PDE10A: variants seen among roughly 807,000 people sequenced by gnomAD.
PDE10A encodes the protein cAMP and cAMP-inhibited cGMP 3',5'-cyclic phosphodiesterase 10A.
A neutral mutation model predicts 97.7 loss-of-function variants in PDE10A; 39 were observed. That is an observed-to-expected ratio of 0.40 (90% CI 0.31 to 0.52). PDE10A has a LOEUF of 0.52. PDE10A is among the 20% of genes least tolerant of loss of function. PDE10A has a pLI of 0.56. For missense variants in PDE10A, 731 were observed against 1,047.8 expected, an observed-to-expected ratio of 0.70 and a Z score of 4.17; for synonymous variants, 371 against 376.8, an observed-to-expected ratio of 0.98 and a Z score of 0.18.
chr6:165,639,212 A>G (rs1789015534), intron 1 of PDE10A, among the ~76,000 whole-genome samples: 1 of 152,200 alleles, frequency 6.6e-6, no homozygotes, highest in Non-Finnish European at 1.5e-5. Context: ...CTAGGAGTCC[A>G]CAACCAATGT....
intron 1 of PDE10A, among the ~76,000 whole-genome samples, chr6:165,590,668 G>A (rs1786200138): frequency 6.6e-6 from 1 of 152,138 alleles, no homozygotes; most frequent in Non-Finnish European, 1.5e-5. Flanking sequence ...GAGGCGGGTG[G>A]ATCACGAGAT....
At chr6:165,433,812 G>A (rs1178909763) in intron 6 of PDE10A, among the ~76,000 whole-genome samples, 10 of 151,870 alleles carry the variant, frequency 6.6e-5, no homozygotes, top group Non-Finnish European at 1.3e-4. Flanking sequence ...TCAGGAGATC[G>A]AGACCATCCT....
intron 1 of PDE10A, among the ~76,000 whole-genome samples, chr6:165,796,091 C>CTTTTTT (rs1168771487): frequency 0.017 from 1,868 of 108,744 alleles, 6 homozygotes; most frequent in Non-Finnish European, 0.021. Flanking sequence ...TTTTTCTTTT[C>CTTTTTT]TTTTTTTTTT....
At chr6:165,465,179 C>T (rs7761949) in intron 3 of PDE10A, among the ~76,000 whole-genome samples, 4,234 of 152,180 alleles carry the variant, frequency 0.028, 200 homozygotes, top group African/African-American at 0.094. Flanking sequence ...TGATCTATAT[C>T]ACACAAATGG....
intron 1 of PDE10A, among the ~76,000 whole-genome samples, chr6:165,591,159 T>C (rs1786241914): frequency 6.6e-6 from 1 of 152,176 alleles, no homozygotes; most frequent in African/African-American, 2.4e-5. Flanking sequence ...AAAGATCATG[T>C]GTAATTCATT....
At chr6:165,357,587 C>A (rs569864682) in intron 18 of PDE10A, among the ~76,000 whole-genome samples, 1 of 152,078 alleles carries the variant, frequency 6.6e-6, no homozygotes, top group African/African-American at 2.4e-5. Flanking sequence ...CTTTTTGGTT[C>A]AAGTATAGTA....
At chr6:165,516,125 G>A (rs566310086) in intron 2 of PDE10A, among the ~76,000 whole-genome samples, 2 of 152,220 alleles carry the variant, frequency 1.3e-5, no homozygotes, top group Non-Finnish European at 2.9e-5. Context: ...TCCTATCTAA[G>A]GCCAGCCCCT....
chr6:165,708,764 G>T (rs1438088821), intron 1 of PDE10A, among the ~76,000 whole-genome samples: 2 of 51,518 alleles, frequency 3.9e-5, no homozygotes, highest in Non-Finnish European at 7.6e-5. Flanking sequence ...ATGCTGCCAC[G>T]CTCACCCCCC....
chr6:165,564,749 C>T (rs1784692489), intron 1 of PDE10A, among the ~76,000 whole-genome samples: 1 of 152,282 alleles, frequency 6.6e-6, no homozygotes, highest in South Asian at 2.1e-4. Flanking sequence ...CCGAATACAT[C>T]TTACTTTAAA....
chr6:165,478,002 TAAG>T (rs1562504186), intron 3 of PDE10A, among the ~76,000 whole-genome samples: 2 of 152,184 alleles, frequency 1.3e-5, no homozygotes, highest in African/African-American at 4.8e-5. Context: ...ACAAGCTCTC[TAAG>T]AAGTGTCACC....
At chr6:165,836,503 C>T (rs970517910) in intron 1 of PDE10A, among the ~76,000 whole-genome samples, 3 of 152,228 alleles carry the variant, frequency 2.0e-5, no homozygotes, top group Admixed American at 6.5e-5. Flanking sequence ...GCTCTTTCTG[C>T]TTCTGATTAA....
At chr6:165,862,849 T>C (rs369396305) in intron 1 of PDE10A, among the ~76,000 whole-genome samples, 1 of 152,278 alleles carries the variant, frequency 6.6e-6, no homozygotes, top group East Asian at 1.9e-4. Context: ...CAGCTAATTT[T>C]TTGTATTTTT....
At chr6:165,944,208 C>T (rs1408818718) in intron 1 of PDE10A, among the ~76,000 whole-genome samples, 1 of 152,168 alleles carries the variant, frequency 6.6e-6, no homozygotes, top group African/African-American at 2.4e-5. Context: ...AAGGTAACCA[C>T]CCCCATAATT....
intron 18 of PDE10A, among the ~76,000 whole-genome samples, chr6:165,358,502 G>T (rs1783179263): frequency 7.8e-6 from 1 of 128,196 alleles, no homozygotes; most frequent in African/African-American, 3.2e-5. Context: ...TTTTAATATA[G>T]GTACACCAGT....
At chr6:165,830,559 C>A (rs1049346593) in intron 1 of PDE10A, among the ~76,000 whole-genome samples, 2 of 152,104 alleles carry the variant, frequency 1.3e-5, no homozygotes, top group African/African-American at 2.4e-5. Context: ...CCTCCACCCC[C>A]ACAGGAGCAG....
chr6:165,542,612 CTTTTTTT>C (rs545149187), intron 2 of PDE10A, among the ~76,000 whole-genome samples: 6 of 76,426 alleles, frequency 7.9e-5, no homozygotes, highest in Admixed American at 3.1e-4. Flanking sequence ...TGTCCTTGTT[CTTTTTTT>C]TTTTTTTTTT....
intron 1 of PDE10A, among the ~76,000 whole-genome samples, chr6:165,839,971 T>C (rs79857635): frequency 0.2 from 9,977 of 48,872 alleles, 55 homozygotes; most frequent in Middle Eastern, 0.3. Flanking sequence ...ATCTCTGTCT[T>C]CATCCCCATC....
chr6:165,510,654 C>G (rs1033149861), intron 2 of PDE10A, among the ~76,000 whole-genome samples: 7 of 152,070 alleles, frequency 4.6e-5, no homozygotes, highest in African/African-American at 1.7e-4. Context: ...CTACTGGGTC[C>G]TGAGCTTTTC....
intron 1 of PDE10A, among the ~76,000 whole-genome samples, chr6:165,799,851 A>C (rs962948461): frequency 1.2e-4 from 19 of 152,172 alleles, no homozygotes; most frequent in African/African-American, 4.6e-4. Flanking sequence ...TGTGTGTGAA[A>C]CCCTAAAATC....
Sources: allele counts gnomAD v4.1 joint callset (sites outside exome capture counted in the v4.1 genomes callset), GRCh38; gene constraint gnomAD v4.1.1; transcripts MANE v1.5; gene names NCBI Gene and HGNC (gene_info 2026-07-23, HGNC 2026-07-21).